Variants in EYS observed in about 807,000 individuals in gnomAD.
The protein encoded by EYS is EGF-like photoreceptor maintenance factor.
EYS carries 250 observed loss-of-function variants against 282.1 expected under a neutral mutation model. The ratio of observed to expected loss-of-function variants is 0.89; its 90% CI spans 0.80 to 0.98. The LOEUF is 0.98. Among genes scored for constraint, EYS ranks in the 50% least tolerant of loss-of-function variants. EYS has a pLI of 0.00. For synonymous variants in EYS, 1,355 were observed against 1,282.9 expected (o/e 1.06, Z -1.20); for missense variants, 4,016 against 3,709.0 (o/e 1.08, Z -2.15).
At chr6:64,677,208 C>A (rs1769720782) in intron 22 of EYS, among the ~76,000 whole-genome samples, 2 of 152,056 alleles carry the variant, frequency 1.3e-5, no homozygotes, top group Non-Finnish European at 2.9e-5. Flanking sequence ...TCCTTTAATG[C>A]ATTTCATAAC....
At chr6:64,270,395 C>A (rs1304487627) in intron 30 of EYS, among the ~76,000 whole-genome samples, 3 of 152,056 alleles carry the variant, frequency 2.0e-5, no homozygotes, top group East Asian at 3.9e-4. Context: ...GGGGAATGGG[C>A]AATTTCTCCT....
intron 12 of EYS, among the ~76,000 whole-genome samples, chr6:65,181,082 T>C (rs1437656312): frequency 6.6e-6 from 1 of 152,094 alleles, no homozygotes; most frequent in Non-Finnish European, 1.5e-5. Flanking sequence ...ACTTAAATGT[T>C]AGACCTGAAA....
intron 26 of EYS, among the ~76,000 whole-genome samples, chr6:64,486,343 C>T (rs184678569): frequency 2.0e-5 from 3 of 151,294 alleles, no homozygotes; most frequent in Admixed American, 6.6e-5. Flanking sequence ...TCTTACAACT[C>T]GCTCCAGAGT....
intron 31 of EYS, among the ~76,000 whole-genome samples, chr6:64,142,845 A>G (rs940457683): frequency 5.9e-5 from 9 of 152,196 alleles, no homozygotes; most frequent in African/African-American, 1.7e-4. Flanking sequence ...GAGACAAGTT[A>G]CATTGAATAT....
intron 2 of EYS, among the ~76,000 whole-genome samples, chr6:65,617,369 G>T (rs923515828): frequency 6.6e-6 from 1 of 151,986 alleles, no homozygotes; most frequent in African/African-American, 2.4e-5. Context: ...AAACTCACTT[G>T]TTACGACTTC....
intron 31 of EYS, among the ~76,000 whole-genome samples, chr6:64,138,799 A>G (rs374494245): frequency 1.3e-5 from 2 of 152,346 alleles, no homozygotes; most frequent in South Asian, 2.1e-4. Flanking sequence ...GACTGCTTCA[A>G]GTTATAAACT....
intron 13 of EYS, among the ~76,000 whole-genome samples, chr6:65,014,441 C>G (rs1206804034): frequency 6.6e-6 from 1 of 152,236 alleles, no homozygotes. Context: ...ATATAAGGGC[C>G]ACTAAGACAT....
intron 31 of EYS, among the ~76,000 whole-genome samples, chr6:64,112,287 T>C (rs980781250): frequency 9.9e-5 from 15 of 152,180 alleles, no homozygotes; most frequent in Admixed American, 9.2e-4. Flanking sequence ...ATACCTGGAC[T>C]CCATGCATTT....
rs141584259 is a variant in EYS at position 65,160,901 on chromosome 6, A to T, written c.2024-103174T>A. Among the ~76,000 whole-genome samples, 41 of 138,630 alleles carry T rather than the reference A, an allele frequency of 3.0e-4. No homozygotes were observed. The East Asian group carries it at 7.9e-3, about 27-fold the overall frequency. The allele number at this position is 138,630 out of a possible 152,430, so 90.9% of individuals were successfully genotyped here. On this transcript the variant is annotated intron_variant, in intron 12 of 42. Coordinates refer to ENST00000503581, the MANE Select transcript of EYS (RefSeq NM_001142800.2). Reference sequence around the variant, plus strand: ...CTGGTTCCCAATTTACTATTTACTGACATCTGAGGCCTCAATTTTTGGTCT... The same window carrying T: ...CTGGTTCCCAATTTACTATTTACTGTCATCTGAGGCCTCAATTTTTGGTCT...
At chr6:63,858,093 G>C (rs1022529350) in intron 36 of EYS, among the ~76,000 whole-genome samples, 42 of 152,254 alleles carry the variant, frequency 2.8e-4, no homozygotes, top group African/African-American at 9.6e-4. Context: ...TGTTCAAAGA[G>C]CTCAGGGACT....
At chr6:65,016,474 TG>T (rs1772055570) in intron 13 of EYS, among the ~76,000 whole-genome samples, 1 of 85,498 alleles carries the variant, frequency 1.2e-5, no homozygotes, top group Non-Finnish European at 2.3e-5. Context: ...TAAAATCTGC[TG>T]TTTAAAATGT....
At chr6:64,976,206 A>G (rs1297002783) in intron 14 of EYS, among the ~76,000 whole-genome samples, 1 of 152,010 alleles carries the variant, frequency 6.6e-6, no homozygotes, top group African/African-American at 2.4e-5. Flanking sequence ...ACATTGTTCA[A>G]ATATATTCAA....
At chr6:64,442,344 G>A (rs995986270) in intron 26 of EYS, among the ~76,000 whole-genome samples, 2 of 152,100 alleles carry the variant, frequency 1.3e-5, no homozygotes, top group African/African-American at 4.8e-5. Flanking sequence ...TGCTGTTAAA[G>A]GCATTCAGTT....
chr6:65,546,685 C>T (rs554677950), intron 2 of EYS, among the ~76,000 whole-genome samples: 22 of 151,920 alleles, frequency 1.4e-4, no homozygotes, highest in Non-Finnish European at 2.5e-4. Context: ...GATTCTCATG[C>T]CTCAGCCTCC....
At chr6:63,738,572 C>T (rs1582158227) in intron 41 of EYS, among the ~76,000 whole-genome samples, 1 of 120,978 alleles carries the variant, frequency 8.3e-6, no homozygotes, top group Non-Finnish European at 1.6e-5. Context: ...GAACATCACA[C>T]TCTGGGGACT....
At chr6:63,829,801 G>A (rs1318859934) in intron 36 of EYS, among the ~76,000 whole-genome samples, 1 of 152,212 alleles carries the variant, frequency 6.6e-6, no homozygotes. Context: ...GCCTAACTGG[G>A]AGACACCTCC....
chr6:65,082,378 C>T (rs1398366957), intron 12 of EYS, among the ~76,000 whole-genome samples: 1 of 151,924 alleles, frequency 6.6e-6, no homozygotes, highest in Non-Finnish European at 1.5e-5. Flanking sequence ...ACCATGAATA[C>T]TTATATTATT....
intron 15 of EYS, among the ~76,000 whole-genome samples, chr6:64,926,938 A>AT (rs1483608386): frequency 2.0e-5 from 3 of 152,170 alleles, no homozygotes; most frequent in Admixed American, 2.0e-4. Flanking sequence ...ATACGTCATG[A>AT]TTTTTTTACA....
chr6:64,529,341 T>G (rs974415721), intron 26 of EYS, among the ~76,000 whole-genome samples: 7 of 152,068 alleles, frequency 4.6e-5, no homozygotes, highest in Non-Finnish European at 1.0e-4. Flanking sequence ...ATATACCAAT[T>G]CATACACAAT....
Sources: gnomAD v4.1 joint callset for allele counts (sites outside exome capture counted in the v4.1 genomes callset) on GRCh38, gnomAD v4.1.1 for gene constraint, MANE v1.5 for transcripts, NCBI Gene and HGNC (gene_info 2026-07-23, HGNC 2026-07-21) for gene names.